Variants in ASAH1 observed in about 807,000 individuals in gnomAD.
ASAH1 encodes the protein acid ceramidase.
Under a neutral mutation model 59.5 loss-of-function variants are expected in ASAH1, and 70 were observed. The ratio of observed to expected loss-of-function variants is 1.18; its 90% CI spans 0.97 to 1.43. The LOEUF is 1.43. ASAH1 is among the 40% of genes most tolerant of loss of function. The probability of loss-of-function intolerance (pLI) is 0.00; values close to 1 mark genes in which losing one functional copy is unlikely to be tolerated. For synonymous variants in ASAH1, 213 were observed against 166.5 expected (o/e 1.28, Z -2.15); for missense variants, 660 against 482.5 (o/e 1.37, Z -3.45).
At chr8:18,083,048 T>C (rs1800723547) in intron 1 of ASAH1, 1 of 152,190 alleles carries the variant, frequency 6.6e-6, no homozygotes, top group African/African-American at 2.4e-5. Flanking sequence ...TATCCCACCA[T>C]GATTTTAAAG....
rs758370923 is a variant in ASAH1, at chr8:18,058,862, G to A, written c.1071C>T (p.Val357=). 3.1e-6 allele frequency: 5 copies of A among 1,612,512 alleles called. No individual in the cohort carries two copies. In the South Asian group the frequency reaches 3.3e-5, roughly 11 times the overall value. The stretch of plus-strand genomic sequence containing the variant: ...TGTTGAGGACAGGTTTTGTTGACAG[G>A]ACATCATACATGGTTTCAAATGAGA... ...ENISFETMYD[V]LSTKPVLNKL... is the part of the protein sequence containing the mutation. The change falls in exon 13 of 14, where the codon GTC becomes GTT. Residue 357 remains valine (V), a synonymous_variant. Transcript: ENST00000637790.
At chr8:18,072,510 A>AAGAAG (rs1179073864) in intron 2 of ASAH1, among the ~76,000 whole-genome samples, 15 of 152,226 alleles carry the variant, frequency 9.9e-5, no homozygotes, top group Non-Finnish European at 1.8e-4. Context: ...TTAGACAGAA[A>AAGAAG]AGTATATTCG....
At chr8:18,084,419 G>GA, upstream of ASAH1, 1 of 1,377,320 alleles carries the variant, frequency 7.3e-7, no homozygotes, top group Non-Finnish European at 9.5e-7. Context: ...GTGGCGCCTC[G>GA]ATGGGGCGCC....
rs2117107540 is a variant in ASAH1, at chr8:18,083,999, G to A, written c.60C>T (p.Val20=). Residue 20 remains valine, a synonymous_variant, in exon 1 of 14, where the codon GTC becomes GTT. Transcript: ENST00000637790. The part of the protein sequence containing the change: ...VLLAAAVSCA[V]AQHAPPWTED... ...CACTCACCGGCGGCGCGTGCTGCGC[G>A]ACGGCACAGCTGACGGCGGCAGCCA... 2 of 1,598,156 alleles carry A rather than the reference G, an allele frequency of 1.3e-6. No homozygotes were observed. The highest frequency in any genetic ancestry group is 1.7e-6 in the Non-Finnish European group (2 of 1,179,492).
At position 18,057,563 on chromosome 8, in the gene ASAH1, C is replaced by A. The variant is rs138912339; in HGVS notation, c.1159G>T (p.Asp387Tyr). The change falls in exon 14 of 14, where the codon GAC becomes TAC. Residue 387 changes from aspartate to tyrosine, a missense_variant. Physicochemically the swap from Asp to Tyr is radical, Grantham distance 160. Coordinates refer to ENST00000637790, the MANE Select transcript of ASAH1 (RefSeq NM_177924.5). ...TKGQFETYLR[D>Y]CPDPCIGW Reference sequence around the variant, plus strand: ...CAACCTATACAAGGGTCAGGGCAGTCCCGCAGGTAAGTTTCGAATTGACCT... The same window carrying A: ...CAACCTATACAAGGGTCAGGGCAGTACCGCAGGTAAGTTTCGAATTGACCT... The A allele has an allele frequency of 1.2e-6, 2 of 1,603,652 alleles. No homozygotes were observed. The highest frequency in any genetic ancestry group is 2.7e-5 in the African/African-American group (2 of 74,640).
At position 18,064,520 on chromosome 8, in the gene ASAH1, A is replaced by C. The variant is rs1041592451; in HGVS notation, c.394T>G (p.Ser132Ala). 7 of 1,537,702 alleles carry C rather than the reference A, an allele frequency of 4.6e-6. No individual in the cohort carries two copies. The highest frequency in any genetic ancestry group is 6.3e-6 in the Non-Finnish European group (7 of 1,116,272). The change falls in exon 6 of 14, where the codon TCA becomes GCA. Residue 132 changes from serine (S) to alanine (A), a missense_variant. Coordinates refer to ENST00000637790, the MANE Select transcript of ASAH1 (RefSeq NM_177924.5). ...VTDIPLGEII[S>A]FNIFYELFTI... ...AATAATTCATAAAAAATATTGAATG[A>C]AATAATCTCTCCTATGAGAAAAGAA...
intron 5 of ASAH1, chr8:18,065,699 T>C (rs1054159596): frequency 2.6e-5 from 4 of 151,918 alleles, no homozygotes; most frequent in African/African-American, 9.7e-5. Flanking sequence ...TAAATAAATA[T>C]TGAGAAAAAC....
In ASAH1 at chr8:18,064,464, G is replaced by T; in HGVS notation, c.450C>A (p.Asp150Glu). 1 of 1,554,046 alleles carries T rather than the reference G, an allele frequency of 6.4e-7. No individual in the cohort carries two copies. Among genetic ancestry groups the T allele is most frequent in the African/African-American group, 1.4e-5 (1 of 73,376 alleles). ...CCCTCAGCGCACAATTACCTTTTTT[G>T]TCTTCTGCTACTATTGAAGTACAAA... ...FTICTSIVAE[D>E]KKGHLIHGRN... Residue 150 changes from aspartate (D) to glutamate (E), a missense_variant, in exon 6 of 14, where the codon GAC becomes GAA. Transcript: ENST00000637790.
intron 6 of ASAH1, chr8:18,063,458 C>G: frequency 8.8e-6 from 4 of 456,490 alleles, no homozygotes; most frequent in Non-Finnish European, 1.5e-5. Context: ...CATGTGCGAC[C>G]GCACCTGGCT....
At position 18,063,705 on chromosome 8, in the gene ASAH1, T is replaced by C. The variant is rs191411676; in HGVS notation, c.458-475A>G. ...CCTAATATCCTAAGCCTTCACCAGA[T>C]GGGACTGTTGTCACCGTCTATCTGC... On this transcript the variant is annotated intron_variant, in intron 6 of 13. Coordinates refer to ENST00000637790, the MANE Select transcript of ASAH1 (RefSeq NM_177924.5). 690 of 160,362 alleles carry C rather than the reference T, an allele frequency of 4.3e-3. 2 individuals carry two copies. The highest frequency in any genetic ancestry group is 0.016 in the African/African-American group (670 of 41,602). 9.9% of individuals were successfully genotyped at this position (160,362 alleles called of 1,614,324 possible).
rs1799971345 is a variant in ASAH1 at position 18,067,283 on chromosome 8, T to G, written c.319A>C (p.Asn107His). Residue 107 changes from asparagine (N) to histidine (H), a missense_variant, in exon 5 of 14, where the codon AAC (asparagine) becomes CAC (histidine). Coordinates refer to ENST00000637790, the MANE Select transcript of ASAH1 (RefSeq NM_177924.5). ...TCCTCTTCAAAAGGGCCAGGAAAGT[T>G]GCCAAGTAGGCCAGGCTGGAAAACA... ...VDEKLPGLLG[N>H]FPGPFEEEMK... The G allele has an allele frequency of 1.2e-6, 2 of 1,600,048 alleles. No homozygotes were observed. The highest frequency in any genetic ancestry group is 1.7e-5 in the Admixed American group (1 of 59,334).
rs6993962 is a variant in ASAH1 at position 18,063,271 on chromosome 8, A to G, written c.458-41T>C. ...CAGAAGAGACGTGTAATAGCAGTTA[A>G]GATTCTAAATCAAAGCTGGACAATT... On this transcript the variant is annotated intron_variant, in intron 6 of 13. Coordinates refer to ENST00000637790, the MANE Select transcript of ASAH1 (RefSeq NM_177924.5). The G allele has an allele frequency of 6.5e-3, 9,902 of 1,528,750 alleles. 211 individuals are homozygous for G. The highest frequency in any genetic ancestry group is 0.057 in the African/African-American group (4,138 of 73,088). 94.7% of individuals were successfully genotyped at this position (1,528,750 alleles called of 1,614,324 possible).
rs924819363 is a variant in ASAH1, at chr8:18,061,318, T to G, written c.785+59A>C. On this transcript the variant is annotated intron_variant, in intron 10 of 13. Coordinates refer to ENST00000637790, the MANE Select transcript of ASAH1 (RefSeq NM_177924.5). ...AGCTGGAGCTTGACAAATATTTTTA[T>G]TTTTTAATATGAGTAATTTAAAATA... 12 of 1,394,232 alleles carry G rather than the reference T, an allele frequency of 8.6e-6. No individual in the cohort carries two copies. The African/African-American group carries it at 8.6e-5, about 10-fold the overall frequency. 86.4% of individuals were successfully genotyped at this position (1,394,232 alleles called of 1,614,324 possible). A position where few individuals can be genotyped will look rare whatever the true frequency, so the allele number is the denominator to read the frequency against.
At chr8:18,077,091 C>T (rs942421739) in intron 1 of ASAH1, among the ~76,000 whole-genome samples, 2 of 152,188 alleles carry the variant, frequency 1.3e-5, no homozygotes, top group African/African-American at 2.4e-5. Context: ...CAAAACTTTA[C>T]AGCTAGCAAG....
upstream of ASAH1, chr8:18,084,186 G>A: frequency 1.3e-6 from 2 of 1,536,492 alleles, no homozygotes; most frequent in South Asian, 1.2e-5. Flanking sequence ...CCAGGCAGTA[G>A]GGGGAACGCT....
chr8:18,081,359 T>A (rs527882846), intron 1 of ASAH1, among the ~76,000 whole-genome samples: 5 of 152,162 alleles, frequency 3.3e-5, no homozygotes, highest in Admixed American at 6.5e-5. Context: ...TCTCCTCATA[T>A]CTACCCTTGC....
rs149860954 is a variant in ASAH1 at position 18,070,938 on chromosome 8, C to T, written c.216+362G>A. ...AAATAAGAAATATGGCCGGGCATGG[C>T]GGCTCATGCCTATAATCCCAGCACT... On this transcript the variant is annotated intron_variant, in intron 3 of 13. Transcript: ENST00000637790. 1.0e-3 allele frequency among the ~76,000 whole-genome samples: 157 copies of T among 152,082 alleles called. 5 individuals carry two copies. The South Asian group carries it at 0.03, about 29-fold the overall frequency.
At chr8:18,084,120 C>A (rs1589012551), upstream of ASAH1, 2 of 1,585,840 alleles carry the variant, frequency 1.3e-6, no homozygotes, top group East Asian at 4.5e-5. Flanking sequence ...CCGGCTGGGC[C>A]GGGGGCAGGC....
At chr8:18,084,437 G>A (rs1006464776), upstream of ASAH1, 10 of 1,364,134 alleles carry the variant, frequency 7.3e-6, no homozygotes, top group East Asian at 2.5e-4. Flanking sequence ...GCCTCTAGCA[G>A]GCGGGTGCAG....
Sources: gnomAD v4.1 joint callset for allele counts (sites outside exome capture counted in the v4.1 genomes callset) on GRCh38, gnomAD v4.1.1 for gene constraint, MANE v1.5 for transcripts, NCBI Gene and HGNC (gene_info 2026-07-23, HGNC 2026-07-21) for gene names.